TNS1: variants seen among roughly 807,000 people sequenced by gnomAD.
The protein encoded by TNS1 is tensin 1.
Under a neutral mutation model 168.6 loss-of-function variants are expected in TNS1, and 62 were observed. The ratio of observed to expected loss-of-function variants is 0.37; its 90% confidence interval spans 0.30 to 0.45. The LOEUF is 0.45. TNS1 is among the 20% of genes least tolerant of loss of function. The pLI is 1.00. For missense variants in TNS1, 2,240 were observed against 2,339.4 expected (o/e 0.96, Z 0.88); for synonymous variants, 934 against 933.2 (o/e 1.00, Z -0.02).
intron 1 of TNS1, among the ~76,000 whole-genome samples, chr2:217,997,836 T>C (rs1958499080): frequency 6.6e-6 from 1 of 152,252 alleles, no homozygotes; most frequent in Non-Finnish European, 1.5e-5. Flanking sequence ...CTTTTCTGTG[T>C]GTGTCAGATT....
chr2:217,835,955 G>A (rs1945105958), intron 20 of TNS1, 60 bp downstream of exon 20: 5 of 1,462,702 alleles, frequency 3.4e-6, no homozygotes, highest in Non-Finnish European at 3.8e-6. Flanking sequence ...TCAGGTTTCT[G>A]GAGATTTAAA....
intron 30 of TNS1, among the ~76,000 whole-genome samples, chr2:217,809,460 C>CATGGATGGATGG (rs1263650864): frequency 2.3e-4 from 1 of 4,318 alleles, no homozygotes; most frequent in Non-Finnish European, 4.5e-4. Context: ...TGGATGGATG[C>CATGGATGGATGG]ATGGATGGAT....
At chr2:217,999,788 C>A (rs1958530290) in intron 1 of TNS1, among the ~76,000 whole-genome samples, 1 of 152,248 alleles carries the variant, frequency 6.6e-6, no homozygotes, top group Non-Finnish European at 1.5e-5. Context: ...GGGCAGGACA[C>A]CAACTCCAGG....
chr2:217,950,995 T>C (rs570453611), intron 3 of TNS1, among the ~76,000 whole-genome samples: 9 of 152,218 alleles, frequency 5.9e-5, no homozygotes, highest in African/African-American at 2.2e-4. Flanking sequence ...CTTTCAGGGT[T>C]GGAGAGAGCT....
chr2:217,893,481 C>T lies in TNS1; in HGVS notation c.675G>A (p.Trp225Ter), dbSNP rs990285207. Residue 225 changes from tryptophan to a stop codon, truncating the protein, a stop_gained, in exon 10 of 33, where the codon TGG (tryptophan) becomes TGA (stop). Transcript: ENST00000682258. LOFTEE classifies it high-confidence loss of function. ...ICSICKAMDTWLNADPHNVVV... is the reference protein window; with the variant it reads ...ICSICKAMDT ...CGACATTGTGAGGGTCTGCATTGAGCCATGTGTCCATGGCCTTACAGATGC... is the reference window on the plus strand; with the variant it reads ...CGACATTGTGAGGGTCTGCATTGAGTCATGTGTCCATGGCCTTACAGATGC... The T allele has an allele frequency of 6.2e-7, 1 of 1,612,674 alleles. No homozygotes were observed. The highest frequency in any genetic ancestry group is 1.3e-5 in the African/African-American group (1 of 74,914).
At position 217,893,004 on chromosome 2, in the gene TNS1, T is replaced by A; in HGVS notation, c.726A>T (p.Arg242=). The change falls in exon 11 of 33, where the codon CGA becomes CGT. Residue 242 remains arginine, a synonymous_variant. Coordinates refer to ENST00000682258, the MANE Select transcript of TNS1 (RefSeq NM_001387777.1). The part of the protein sequence containing the change: ...NVVVLHNKGN[R]GRIGVVIAAY... ...CCGCGATGACAACTCCTATCCTGCC[T>A]CGGTTTCCCTGAAAGAGCCCCAAAC... 4 of 1,614,146 alleles carry A rather than the reference T, an allele frequency of 2.5e-6. No homozygotes were observed. The highest frequency in any genetic ancestry group is 3.4e-6 in the Non-Finnish European group (4 of 1,180,000).
chr2:217,986,062 G>A lies in TNS1; in HGVS notation c.148+4880C>T, dbSNP rs536870000. Among the ~76,000 whole-genome samples, 1 of 152,262 alleles carries A rather than the reference G, an allele frequency of 6.6e-6. No individual in the cohort carries two copies. Among genetic ancestry groups the A allele is most frequent in the Admixed American group, 6.5e-5 (1 of 15,294 alleles). On this transcript the variant is annotated intron_variant, in intron 2 of 32. Coordinates refer to ENST00000682258, the MANE Select transcript of TNS1 (RefSeq NM_001387777.1). This position sits in a 1 kb window ranked among gnomAD's most constrained non-coding sequence, Gnocchi z 4.7. ...TTAAATAATCCCACCTCCTCATTTA[G>A]GGAAAAGGGAAAGCCAGACCCAGAG...
intron 2 of TNS1, among the ~76,000 whole-genome samples, chr2:217,980,514 G>A (rs969267318): frequency 1.6e-5 from 1 of 64,326 alleles, no homozygotes. Context: ...CACAGAGAGA[G>A]AGAGAGAGAG....
rs543625367 is a variant in TNS1, at chr2:217,900,699, C to T, written c.322-187G>A. On this transcript the variant is annotated intron_variant, in intron 6 of 32. Coordinates refer to ENST00000682258, the MANE Select transcript of TNS1 (RefSeq NM_001387777.1). ...GCCAAAGCCATCAACACTGATTCCACGTGAGTGTGCCTGCCTGTGTGCAAG... is the reference window on the plus strand; with the variant it reads ...GCCAAAGCCATCAACACTGATTCCATGTGAGTGTGCCTGCCTGTGTGCAAG... 207 of 637,226 alleles carry T rather than the reference C, an allele frequency of 3.2e-4. 2 individuals carry two copies. Among genetic ancestry groups the T allele is most frequent in the African/African-American group, 3.2e-3 (175 of 53,916 alleles). The allele number at this position is 637,226 out of a possible 1,614,324, so 39.5% of individuals were successfully genotyped here.
At chr2:217,889,927 G>T (rs1056167143) in intron 12 of TNS1, among the ~76,000 whole-genome samples, 1 of 152,220 alleles carries the variant, frequency 6.6e-6, no homozygotes, top group African/African-American at 2.4e-5. Context: ...CCCTGATGCT[G>T]CCTGTGCCTT....
intron 6 of TNS1, chr2:217,903,821 A>G (rs938083700): frequency 3.8e-6 from 2 of 528,412 alleles, no homozygotes; most frequent in African/African-American, 3.8e-5. Flanking sequence ...CTCAAGGTCT[A>G]TGACCCCAGG....
chr2:217,917,829 CAAAA>C (rs79888115), intron 4 of TNS1, among the ~76,000 whole-genome samples: 4 of 75,966 alleles, frequency 5.3e-5, no homozygotes, highest in South Asian at 5.6e-4. Flanking sequence ...AGACTGTTCT[CAAAA>C]AAAAAAAAAA....
intron 1 of TNS1, among the ~76,000 whole-genome samples, chr2:218,002,238 C>T (rs894075447): frequency 2.6e-5 from 4 of 152,142 alleles, no homozygotes; most frequent in Non-Finnish European, 5.9e-5. Flanking sequence ...GGGGGAAGAG[C>T]GGGCCATGGC....
chr2:217,963,889 CAA>C (rs58953604), intron 3 of TNS1, among the ~76,000 whole-genome samples: 7 of 126,370 alleles, frequency 5.5e-5, no homozygotes, highest in Admixed American at 1.6e-4. Context: ...ACTAAAAATA[CAA>C]AAAAAAAAAA....
At chr2:217,923,598 T>C (rs1224124114) in intron 3 of TNS1, among the ~76,000 whole-genome samples, 1 of 152,056 alleles carries the variant, frequency 6.6e-6, no homozygotes, top group Non-Finnish European at 1.5e-5. Context: ...AACACACACA[T>C]CCACGGAGCC....
At position 217,818,552 on chromosome 2, in the gene TNS1, G is replaced by C. The variant is rs762779100; in HGVS notation, c.3780C>G (p.Ser1260=). The C allele has an allele frequency of 6.2e-6, 10 of 1,614,086 alleles. No homozygotes were observed. The African/African-American group carries it at 8.0e-5, about 13-fold the overall frequency. ...SPDYSLQHFS[S]SPESQARAQF... ...GAGCTCGAGCCTGGCTTTCCGGAGA[G>C]GAGCTGAAATGCTGAAGTGAGTAGT... The change falls in exon 24 of 33, where the codon TCC becomes TCG. Residue 1260 remains serine (S), a synonymous_variant. Transcript: ENST00000682258.
chr2:217,804,170 G>A lies in TNS1; in HGVS notation c.*289C>T. ...CATCTTCTTAGGGGAGGGAGGGGGT[G>A]TTAGGTGGACCTGGTTAGTTTTGGA... On this transcript the variant is annotated 3_prime_UTR_variant, in exon 33 of 33. Transcript: ENST00000682258. 1 of 344,602 alleles carries A rather than the reference G, an allele frequency of 2.9e-6. No homozygotes were observed. The highest frequency in any genetic ancestry group is 5.3e-6 in the Non-Finnish European group (1 of 187,596). 21.3% of individuals were successfully genotyped at this position (344,602 alleles called of 1,614,324 possible).
chr2:217,869,639 T>C (rs3791949), intron 18 of TNS1, among the ~76,000 whole-genome samples: 45,639 of 152,138 alleles, frequency 0.3, 7,309 homozygotes, highest in East Asian at 0.37. Context: ...GCCAGCCAAG[T>C]CCACCAGGGC....
chr2:218,004,580 A>T (rs1958638540), upstream of TNS1, among the ~76,000 whole-genome samples: 1 of 152,262 alleles, frequency 6.6e-6, no homozygotes, highest in Non-Finnish European at 1.5e-5. Flanking sequence ...ATTCAGATAC[A>T]CAGGTTGTCC....
Sources: allele counts gnomAD v4.1 joint callset (sites outside exome capture counted in the v4.1 genomes callset), GRCh38; gene constraint gnomAD v4.1.1; non-coding constraint Gnocchi (gnomAD v3.1); transcripts MANE v1.5; gene names NCBI Gene and HGNC (gene_info 2026-07-23, HGNC 2026-07-21).